RESF1: variants seen among roughly 807,000 people sequenced by gnomAD.
RESF1 encodes retroelement silencing factor 1, also known as gonad expressed transcript.
RESF1 carries 65 observed loss-of-function variants against 134.7 expected under a neutral mutation model. The observed-to-expected ratio is 0.48, with a 90% CI of 0.40 to 0.59. The LOEUF (loss-of-function observed/expected upper bound fraction) is 0.59. Ranked by LOEUF, RESF1 falls within the 20% of genes least tolerant of loss-of-function variation. RESF1 has a pLI of 0.00. For synonymous variants in RESF1, 762 were observed against 702.2 expected, an observed-to-expected ratio of 1.09 and a Z score of -1.35; for missense variants, 2,274 against 2,002.7, an observed-to-expected ratio of 1.14 and a Z score of -2.59.
Position 31,992,482 on chromosome 12 carries a change from C to G in RESF1, c.5191C>G (p.Gln1731Glu). Residue 1731 changes from glutamine (Q) to glutamate (E), a missense_variant, in exon 6 of 6, where the codon CAG (glutamine) becomes GAG (glutamate). Physicochemically the swap from Gln to Glu is conservative, Grantham distance 29. Coordinates refer to ENST00000312561, the MANE Select transcript of RESF1 (RefSeq NM_018169.4). Reference sequence around the variant, plus strand: ...AAAAGAAATGTTTCAAACCTACAAACAGATGTACCTGGAGAAGAGAAGCAG... The same window carrying G: ...AAAAGAAATGTTTCAAACCTACAAAGAGATGTACCTGGAGAAGAGAAGCAG... The part of the protein sequence containing the change: ...DSKEMFQTYK[Q>E]MYLEKRSRSL... 6.2e-7 allele frequency: 1 copy of G among 1,613,994 alleles called. No individual in the cohort carries two copies. The highest frequency in any genetic ancestry group is 1.1e-5 in the South Asian group (1 of 91,088).
At chr12:31,971,832 C>T (rs1026132156) in intron 3 of RESF1, among the ~76,000 whole-genome samples, 1 of 152,086 alleles carries the variant, frequency 6.6e-6, no homozygotes, top group Non-Finnish European at 1.5e-5. Context: ...CTATCTTAGT[C>T]CATTTTCTGT....
chr12:31,979,079 C>T (rs146209040), intron 3 of RESF1, among the ~76,000 whole-genome samples: 3,353 of 151,862 alleles, frequency 0.022, 135 homozygotes, highest in African/African-American at 0.077. Context: ...TGCCACCACA[C>T]CTGGCTAATT....
Position 31,982,851 on chromosome 12 carries a change from G to A in RESF1, c.1896G>A (p.Met632Ile), listed in dbSNP as rs1448871201. 2 of 1,613,966 alleles carry A rather than the reference G, an allele frequency of 1.2e-6. No homozygotes were observed. The highest frequency in any genetic ancestry group is 1.7e-6 in the Non-Finnish European group (2 of 1,180,008). Residue 632 changes from methionine (M) to isoleucine (I), a missense_variant, in exon 4 of 6, where the codon ATG (methionine) becomes ATA (isoleucine). Coordinates refer to ENST00000312561, the MANE Select transcript of RESF1 (RefSeq NM_018169.4). ...MTGNQLNLKN[M>I]ETPSTSNVSG... ...GTAACCAACTGAATTTGAAGAACAT[G>A]GAAACTCCAAGTACTTCTAATGTAA... is the stretch of plus-strand genomic sequence containing the variant.
At chr12:31,962,103 G>C (rs1317631491) in intron 2 of RESF1, among the ~76,000 whole-genome samples, 1 of 152,032 alleles carries the variant, frequency 6.6e-6, no homozygotes, top group Non-Finnish European at 1.5e-5. Flanking sequence ...GGGCGTGGTG[G>C]CACATGCCTG....
rs1393279312 is a variant in RESF1, at chr12:31,960,885, C to G, written c.-247+14C>G. On this transcript the variant is annotated intron_variant, in intron 2 of 5. Coordinates refer to ENST00000312561, the MANE Select transcript of RESF1 (RefSeq NM_018169.4). The stretch of plus-strand genomic sequence containing the variant: ...TTGTGCTCAACGGTAAGTGTATCAC[C>G]TCTAAGAAACCCGCCCTGATTTAAC... 2.0e-5 allele frequency: 3 copies of G among 152,182 alleles called. No homozygotes were observed. Among genetic ancestry groups the G allele is most frequent in the Non-Finnish European group, 4.4e-5 (3 of 68,040 alleles). The allele number at this position is 152,182 out of a possible 1,614,324, so 9.4% of individuals were successfully genotyped here.
chr12:31,969,367 G>A (rs375138369), intron 2 of RESF1, among the ~76,000 whole-genome samples: 9 of 152,160 alleles, frequency 5.9e-5, no homozygotes, highest in East Asian at 5.8e-4. Flanking sequence ...TTAGCCACAC[G>A]GTGGCATTCA....
rs1164560859 is a variant in RESF1, at chr12:31,992,970, CTTAAGTGTTTTATAACTAAT to C, written c.*437_*456del. On this transcript the variant is annotated 3_prime_UTR_variant, in exon 6 of 6. Coordinates refer to ENST00000312561, the MANE Select transcript of RESF1 (RefSeq NM_018169.4). ...TGTGATGTGAATGTCAAAATATATT[CTTAAGTGTTTTATAACTAAT>C]TGTAAACTTTTTTTCAGAAGTCTTA... 1 of 161,100 alleles carries C rather than the reference CTTAAGTGTTTTATAACTAAT, an allele frequency of 6.2e-6. No individual in the cohort carries two copies. The highest frequency in any genetic ancestry group is 1.4e-5 in the Non-Finnish European group (1 of 74,046). The allele number at this position is 161,100 out of a possible 1,614,324, so 10.0% of individuals were successfully genotyped here. A position where few individuals can be genotyped will look rare whatever the true frequency, so the allele number is the denominator to read the frequency against.
chr12:31,981,953 C>G lies in RESF1; in HGVS notation c.998C>G (p.Thr333Arg), dbSNP rs1436150742. ...QWQNPNENVS[T>R]IGNFTNLKVN... ...CAAAACCCTAATGAAAATGTCAGCA[C>G]AATTGGAAATTTCACTAACTTGAAA... The change falls in exon 4 of 6, where the codon ACA becomes AGA. Residue 333 changes from threonine to arginine, a missense_variant. Coordinates refer to ENST00000312561, the MANE Select transcript of RESF1 (RefSeq NM_018169.4). 6.2e-7 allele frequency: 1 copy of G among 1,614,194 alleles called. No homozygotes were observed. Among genetic ancestry groups the G allele is most frequent in the South Asian group, 1.1e-5 (1 of 91,086 alleles).
intron 3 of RESF1, among the ~76,000 whole-genome samples, chr12:31,979,387 C>G (rs1939718504): frequency 6.6e-6 from 1 of 152,198 alleles, no homozygotes; most frequent in Non-Finnish European, 1.5e-5. Context: ...ACTGCCCCCA[C>G]TTGAAGCTAG....
chr12:31,967,737 A>C (rs12425769), intron 2 of RESF1, among the ~76,000 whole-genome samples: 8,600 of 151,044 alleles, frequency 0.057, 362 homozygotes, highest in Admixed American at 0.13. Flanking sequence ...ACTGGGTGCT[A>C]TGGCTTGCTG....
chr12:31,975,992 A>G (rs775756575), intron 3 of RESF1, among the ~76,000 whole-genome samples: 2 of 152,206 alleles, frequency 1.3e-5, no homozygotes, highest in Admixed American at 6.5e-5. Flanking sequence ...AGATGATGCC[A>G]TACGTCTTTC....
chr12:31,988,739 GGA>G (rs1940030381), intron 5 of RESF1, among the ~76,000 whole-genome samples: 1 of 152,014 alleles, frequency 6.6e-6, no homozygotes, highest in African/African-American at 2.4e-5. Flanking sequence ...CTCCCAGGCT[GGA>G]GTACAGTGGC....
At chr12:31,980,504 A>G (rs941691402) in intron 3 of RESF1, among the ~76,000 whole-genome samples, 1 of 152,204 alleles carries the variant, frequency 6.6e-6, no homozygotes, top group Non-Finnish European at 1.5e-5. Flanking sequence ...GTTTTTAACC[A>G]TATGTTTGAA....
In RESF1 at chr12:31,985,184, C is replaced by T. The variant is rs1415018177; in HGVS notation, c.4229C>T (p.Ser1410Phe). ...SVGATFKLGDSLSNPNERAIV... is the reference protein window; with the variant it reads ...SVGATFKLGDFLSNPNERAIV... ...GGAGCTACATTCAAATTAGGTGACT[C>T]TTTGTCAAACCCAAACGAAAGAGCC... Residue 1410 changes from serine (S) to phenylalanine (F), a missense_variant, in exon 4 of 6, where the codon TCT becomes TTT. Transcript: ENST00000312561. 3.2e-6 allele frequency: 5 copies of T among 1,568,144 alleles called. No individual in the cohort carries two copies. Among genetic ancestry groups the T allele is most frequent in the Non-Finnish European group, 4.3e-6 (5 of 1,164,944 alleles).
intron 2 of RESF1, among the ~76,000 whole-genome samples, chr12:31,964,532 TTGATGGGC>T (rs1939355823): frequency 6.6e-6 from 1 of 152,334 alleles, no homozygotes; most frequent in Admixed American, 6.5e-5. Flanking sequence ...CGGTTTACCG[TTGATGGGC>T]ATTTAGGTTG....
chr12:31,987,270 G>A lies in RESF1; in HGVS notation c.5034G>A (p.Trp1678Ter). The A allele has an allele frequency of 6.3e-7, 1 of 1,599,284 alleles. No individual in the cohort carries two copies. The highest frequency in any genetic ancestry group is 8.6e-7 in the Non-Finnish European group (1 of 1,168,166). Residue 1678 changes from tryptophan (W) to a stop codon, truncating the protein, a stop_gained, in exon 5 of 6, where the codon TGG (tryptophan) becomes TGA (stop). Transcript: ENST00000312561. LOFTEE classifies it high-confidence loss of function. ...GAATAAAAAGTACAAAAGAAGACTG[G>A]TTAAAATTTGTTGCTACAAAGAAAA... is the stretch of plus-strand genomic sequence containing the variant. Reference protein sequence around the residue: ...VSGIKSTKEDWLKFVATKKRT... With the variant: ...VSGIKSTKED
Position 31,966,791 on chromosome 12 carries a change from A to G in RESF1, c.-246-3398A>G, listed in dbSNP as rs1939406891. 2.6e-5 allele frequency among the ~76,000 whole-genome samples: 4 copies of G among 152,154 alleles called. No homozygotes were observed. The South Asian group carries it at 6.2e-4, about 24-fold the overall frequency. On this transcript the variant is annotated intron_variant, in intron 2 of 5. Transcript: ENST00000312561. ...TTTTAATCCAGTGTTGCCTAAGACAAAGTACAATGGATTAGGATATCTGAT... is the reference window on the plus strand; with the variant it reads ...TTTTAATCCAGTGTTGCCTAAGACAGAGTACAATGGATTAGGATATCTGAT...
chr12:31,988,517 A>G (rs920472208), intron 5 of RESF1, among the ~76,000 whole-genome samples: 3 of 152,180 alleles, frequency 2.0e-5, no homozygotes, highest in African/African-American at 7.2e-5. Flanking sequence ...TAAGGAACTT[A>G]AGCATCCCCA....
At position 31,984,856 on chromosome 12, in the gene RESF1, G is replaced by A. The variant is rs142193425; in HGVS notation, c.3901G>A (p.Glu1301Lys). ...NHKRKKLRFH[E>K]VTFHSSNKMT... ...CAAAAGAAAAAAATTGAGGTTTCAC[G>A]AGGTAACCTTTCACTCCAGTAATAA... Residue 1301 changes from glutamate (E) to lysine (K), a missense_variant, in exon 4 of 6, where the codon GAG (glutamate) becomes AAG (lysine). By Grantham distance (56) the Glu-to-Lys change is moderately conservative. Coordinates refer to ENST00000312561, the MANE Select transcript of RESF1 (RefSeq NM_018169.4). 1,138 of 1,603,848 alleles carry A rather than the reference G, an allele frequency of 7.1e-4. 3 individuals are homozygous for A. The highest frequency in any genetic ancestry group is 9.0e-4 in the Non-Finnish European group (1,060 of 1,177,674).
Sources: allele counts gnomAD v4.1 joint callset (sites outside exome capture counted in the v4.1 genomes callset), GRCh38; gene constraint gnomAD v4.1.1; transcripts MANE v1.5; gene names NCBI Gene and HGNC (gene_info 2026-07-23, HGNC 2026-07-21).